Variants in KIRREL3 observed in about 807,000 individuals in gnomAD.
KIRREL3 encodes the protein kirre like nephrin family adhesion molecule 3, also known as kin of IRRE-like protein 3.
In KIRREL3, 36 loss-of-function variants were observed where a neutral mutation model predicts 89.7. That is an observed-to-expected ratio of 0.40 (90% CI 0.31 to 0.53). The LOEUF (loss-of-function observed/expected upper bound fraction) is 0.53. KIRREL3 is among the 20% of genes least tolerant of loss of function. The pLI, the probability that KIRREL3 is intolerant of heterozygous loss-of-function variation, is 0.49. For missense variants in KIRREL3, 864 were observed against 1,056.6 expected, an observed-to-expected ratio of 0.82 and a Z score of 2.53; for synonymous variants, 445 against 441.4, an observed-to-expected ratio of 1.01 and a Z score of -0.10.
chr11:126,706,408 G>A (rs1399941613), intron 1 of KIRREL3, among the ~76,000 whole-genome samples: 1 of 152,106 alleles, frequency 6.6e-6, no homozygotes, highest in East Asian at 1.9e-4. Flanking sequence ...AGTACAATTA[G>A]GTTTTTATCT....
chr11:126,947,063 A>T (rs933487224), intron 1 of KIRREL3, among the ~76,000 whole-genome samples: 30 of 152,070 alleles, frequency 2.0e-4, no homozygotes, highest in African/African-American at 7.0e-4. Flanking sequence ...GGTTTTCATG[A>T]TCCTCAAAAT....
At chr11:126,842,421 T>C (rs1276000293) in intron 1 of KIRREL3, among the ~76,000 whole-genome samples, 1 of 152,226 alleles carries the variant, frequency 6.6e-6, no homozygotes, top group Non-Finnish European at 1.5e-5. Flanking sequence ...ATCTACTCTG[T>C]TCTCAGTGGA....
Position 126,997,756 on chromosome 11 carries a change from G to A in KIRREL3, c.55+2699C>T, listed in dbSNP as rs1458070803. Among the ~76,000 whole-genome samples the A allele has an allele frequency of 1.3e-5, 2 of 152,230 alleles. No homozygotes were observed. The highest frequency in any genetic ancestry group is 2.9e-5 in the Non-Finnish European group (2 of 68,038). On this transcript the variant is annotated intron_variant, in intron 1 of 16. Coordinates refer to ENST00000525144, the MANE Select transcript of KIRREL3 (RefSeq NM_032531.4). This position sits in a 1 kb window ranked among gnomAD's most constrained non-coding sequence, Gnocchi z 4.3. ...CTGCACGGGGACCAAGATACTGGGA[G>A]CATGGAGCTTGGGAATCTTGTTCCC... is the stretch of plus-strand genomic sequence containing the variant.
chr11:126,473,340 C>T lies in KIRREL3; in HGVS notation c.560G>A (p.Gly187Glu). 2.2e-6 allele frequency: 3 copies of T among 1,385,298 alleles called. No homozygotes were observed. The highest frequency in any genetic ancestry group is 2.9e-6 in the Non-Finnish European group (3 of 1,047,166). 85.8% of individuals were successfully genotyped at this position (1,385,298 alleles called of 1,614,324 possible). A position where few individuals can be genotyped will look rare whatever the true frequency, so the allele number is the denominator to read the frequency against. ...PAASIIWLRK[G>E]EVINGATYSK... ...GTAGGTGGCCCCATTGATGACCTCT[C>T]CCTTTCGCAACCAGATGATGGAGGC... The change falls in exon 5 of 17, where the codon GGA (glycine) becomes GAA (glutamate). Residue 187 changes from glycine to glutamate, a missense_variant. Transcript: ENST00000525144.
At chr11:126,774,195 T>G (rs1950104372) in intron 1 of KIRREL3, among the ~76,000 whole-genome samples, 1 of 147,188 alleles carries the variant, frequency 6.8e-6, no homozygotes. Flanking sequence ...AATAAATGAA[T>G]TGGGATAGGA....
intron 1 of KIRREL3, among the ~76,000 whole-genome samples, chr11:126,923,395 C>CTT (rs34263587): frequency 1.6e-5 from 1 of 61,814 alleles, no homozygotes. Flanking sequence ...TCTTCCTCTT[C>CTT]TTTCTTCTTC....
rs921129155 is a variant in KIRREL3 at position 126,570,340 on chromosome 11, A to G, written c.56-7428T>C. On this transcript the variant is annotated intron_variant, in intron 1 of 16. Transcript: ENST00000525144. The surrounding 1 kb of genome is among the most constrained non-coding windows in gnomAD (Gnocchi z 6.1). Reference sequence around the variant, plus strand: ...TGTTTTAAACTATTGATTTGTATTTAATTAACTATGCTATTACATACCAAT... The same window carrying G: ...TGTTTTAAACTATTGATTTGTATTTGATTAACTATGCTATTACATACCAAT... Among the ~76,000 whole-genome samples, 3 of 152,200 alleles carry G rather than the reference A, an allele frequency of 2.0e-5. No homozygotes were observed. The highest frequency in any genetic ancestry group is 4.4e-5 in the Non-Finnish European group (3 of 68,040).
intron 1 of KIRREL3, among the ~76,000 whole-genome samples, chr11:126,756,874 A>C (rs1949519961): frequency 6.6e-6 from 1 of 152,200 alleles, no homozygotes; most frequent in African/African-American, 2.4e-5. Context: ...ATTGTGGGTA[A>C]GCTGACTTGG....
rs1956573067 is a variant in KIRREL3, at chr11:126,462,315, G to A, written c.742+842C>T. Among the ~76,000 whole-genome samples the A allele has an allele frequency of 6.6e-6, 1 of 152,114 alleles. No individual in the cohort carries two copies. Among genetic ancestry groups the A allele is most frequent in the Non-Finnish European group, 1.5e-5 (1 of 68,026 alleles). On this transcript the variant is annotated intron_variant, in intron 6 of 16. Coordinates refer to ENST00000525144, the MANE Select transcript of KIRREL3 (RefSeq NM_032531.4). The surrounding 1 kb of genome is among the most constrained non-coding windows in gnomAD (Gnocchi z 4.8). ...TGGGCAAGTTAATCACCCTTTCGGT[G>A]CCTCAGTTTCCCACGGTAGGGACCA...
rs957860094 is a variant in KIRREL3 at position 126,898,902 on chromosome 11, GC to G, written c.55+101552del. Among the ~76,000 whole-genome samples the G allele has an allele frequency of 2.7e-4, 41 of 152,084 alleles. 1 individual carries two copies. Among genetic ancestry groups the G allele is most frequent in the African/African-American group, 9.7e-4 (40 of 41,450 alleles). On this transcript the variant is annotated intron_variant, in intron 1 of 16. Transcript: ENST00000525144. This position sits in a 1 kb window ranked among gnomAD's most constrained non-coding sequence, Gnocchi z 4.9. Reference sequence around the variant, plus strand: ...GCCAACTTAAGTGGTGATTTTGATGGCTACAATCCAGGCCCCCTTTCCCAAC... The same window carrying G: ...GCCAACTTAAGTGGTGATTTTGATGGTACAATCCAGGCCCCCTTTCCCAAC...
chr11:126,704,285 A>G lies in KIRREL3; in HGVS notation c.56-141373T>C, dbSNP rs1395679328. Among the ~76,000 whole-genome samples, 1 of 152,170 alleles carries G rather than the reference A, an allele frequency of 6.6e-6. No individual in the cohort carries two copies. The highest frequency in any genetic ancestry group is 1.5e-5 in the Non-Finnish European group (1 of 68,030). The stretch of plus-strand genomic sequence containing the variant: ...GCACAGCTGTTCCCCTTAACTGCAG[A>G]ATGAAGTGAGCACAGCAGCACAGAA... On this transcript the variant is annotated intron_variant, in intron 1 of 16. Coordinates refer to ENST00000525144, the MANE Select transcript of KIRREL3 (RefSeq NM_032531.4). The surrounding 1 kb of genome is among the most constrained non-coding windows in gnomAD (Gnocchi z 4.2).
intron 1 of KIRREL3, among the ~76,000 whole-genome samples, chr11:126,874,135 A>G (rs1945197285): frequency 6.6e-6 from 1 of 152,196 alleles, no homozygotes; most frequent in African/African-American, 2.4e-5. Flanking sequence ...CCAAGCCTTC[A>G]TTGCTTTCTC....
Position 126,953,747 on chromosome 11 carries a change from A to G in KIRREL3, c.55+46708T>C, listed in dbSNP as rs1803942766. On this transcript the variant is annotated intron_variant, in intron 1 of 16. Transcript: ENST00000525144. This position sits in a 1 kb window ranked among gnomAD's most constrained non-coding sequence, Gnocchi z 5.2. ...TGACACATTTAAACCACAGACTAGC[A>G]GGAAAGAGTTTTCATGATTTCTGCC... 6.6e-6 allele frequency among the ~76,000 whole-genome samples: 1 copy of G among 152,198 alleles called. No individual in the cohort carries two copies. The highest frequency in any genetic ancestry group is 1.5e-5 in the Non-Finnish European group (1 of 68,036).
chr11:126,819,259 C>T (rs902641928), intron 1 of KIRREL3, among the ~76,000 whole-genome samples: 1 of 152,142 alleles, frequency 6.6e-6, no homozygotes, highest in Non-Finnish European at 1.5e-5. Context: ...CAGGAGGTAC[C>T]GTTCTGTCCC....
intron 1 of KIRREL3, among the ~76,000 whole-genome samples, chr11:126,747,000 C>T (rs1000066921): frequency 3.9e-5 from 6 of 152,168 alleles, no homozygotes; most frequent in Non-Finnish European, 8.8e-5. Context: ...TGGCTGCTTC[C>T]AGGGTATATT....
chr11:126,774,057 A>G (rs1465953169), intron 1 of KIRREL3, among the ~76,000 whole-genome samples: 1 of 152,062 alleles, frequency 6.6e-6, no homozygotes, highest in Non-Finnish European at 1.5e-5. Flanking sequence ...GGGCTGAAGG[A>G]AAGGAGGGAG....
chr11:126,529,385 G>A (rs1958868489), intron 2 of KIRREL3, among the ~76,000 whole-genome samples: 1 of 152,160 alleles, frequency 6.6e-6, no homozygotes, highest in Non-Finnish European at 1.5e-5. Context: ...GTGTCTCAGA[G>A]CCAGGGGTGG....
chr11:126,703,116 G>A lies in KIRREL3; in HGVS notation c.56-140204C>T, dbSNP rs748964382. ...TCTGGGCTGTGAATCCTGGTCAGGT[G>A]GGGGTGGCTGGGCTGGGGCAGGAGA... is the stretch of plus-strand genomic sequence containing the variant. On this transcript the variant is annotated intron_variant, in intron 1 of 16. Transcript: ENST00000525144. This position sits in a 1 kb window ranked among gnomAD's most constrained non-coding sequence, Gnocchi z 4.6. 2.6e-5 allele frequency among the ~76,000 whole-genome samples: 4 copies of A among 152,226 alleles called. No homozygotes were observed. Among genetic ancestry groups the A allele is most frequent in the Admixed American group, 6.5e-5 (1 of 15,290 alleles).
intron 1 of KIRREL3, among the ~76,000 whole-genome samples, chr11:126,591,956 T>C (rs1002858391): frequency 1.3e-5 from 2 of 152,106 alleles, no homozygotes; most frequent in East Asian, 1.9e-4. Flanking sequence ...AGGCCTCTCA[T>C]AGGGCCAACA....
Sources: allele counts gnomAD v4.1 joint callset (sites outside exome capture counted in the v4.1 genomes callset), GRCh38; gene constraint gnomAD v4.1.1; non-coding constraint Gnocchi (gnomAD v3.1); transcripts MANE v1.5; gene names NCBI Gene and HGNC (gene_info 2026-07-23, HGNC 2026-07-21).